C12orf60: variants seen among roughly 807,000 people sequenced by gnomAD.
C12orf60 encodes uncharacterized protein C12orf60.
For synonymous variants in C12orf60, 102 were observed against 94.6 expected (o/e 1.08, Z -0.45); for missense variants, 284 against 283.2 (o/e 1.00, Z -0.02).
At chr12:14,807,366 ACTAGTGC>A (rs1950069089) in intron 1 of C12orf60, among the ~76,000 whole-genome samples, 1 of 152,246 alleles carries the variant, frequency 6.6e-6, no homozygotes, top group South Asian at 2.1e-4. Context: ...GCTCTTGATT[ACTAGTGC>A]TCCTTAGTTT....
chr12:14,805,806 CATCAGCTG>C, intron 1 of C12orf60: 1 of 630,160 alleles, frequency 1.6e-6, no homozygotes, highest in South Asian at 2.1e-5. Context: ...CAGGGTCTAG[CATCAGCTG>C]ATCCAGGCAT....
chr12:14,804,351 C>G lies in C12orf60; in HGVS notation c.-25+600C>G, dbSNP rs1365226304. 3.3e-5 allele frequency among the ~76,000 whole-genome samples: 5 copies of G among 152,186 alleles called. No individual in the cohort carries two copies. The East Asian group carries it at 9.6e-4, about 29-fold the overall frequency. Reference sequence around the variant, plus strand: ...TAAGTTTAAACATTTAAAAAACTATCTTAGAGGATACGCTTGGTTATTTCT... The same window carrying G: ...TAAGTTTAAACATTTAAAAAACTATGTTAGAGGATACGCTTGGTTATTTCT... On this transcript the variant is annotated intron_variant, in intron 1 of 1. Coordinates refer to ENST00000330828, the MANE Select transcript of C12orf60 (RefSeq NM_175874.4).
intron 1 of C12orf60, among the ~76,000 whole-genome samples, chr12:14,815,614 G>T (rs571177121): frequency 6.6e-6 from 1 of 152,112 alleles, no homozygotes; most frequent in Non-Finnish European, 1.5e-5. Flanking sequence ...TTTAATTATG[G>T]TGTAATATTT....
At position 14,806,266 on chromosome 12, in the gene C12orf60, T is replaced by C. The variant is rs756930398; in HGVS notation, c.-25+2515T>C. On this transcript the variant is annotated intron_variant, in intron 1 of 1. Coordinates refer to ENST00000330828, the MANE Select transcript of C12orf60 (RefSeq NM_175874.4). The stretch of plus-strand genomic sequence containing the variant: ...TTGTTAATTATGCCAGTTGTGACAT[T>C]TGAGCCCACAAGTTTAACAGCGACT... The C allele has an allele frequency of 4.3e-6, 7 of 1,614,114 alleles. No individual in the cohort carries two copies. In the African/African-American group the frequency reaches 6.7e-5, roughly 15 times the overall value.
At chr12:14,808,457 T>C (rs1483873851) in intron 1 of C12orf60, among the ~76,000 whole-genome samples, 2 of 152,182 alleles carry the variant, frequency 1.3e-5, no homozygotes, top group Non-Finnish European at 2.9e-5. Flanking sequence ...GCACAGCCTC[T>C]TTTTGAGTAA....
chr12:14,818,027 C>T (rs1011743611), intron 1 of C12orf60, among the ~76,000 whole-genome samples: 6 of 152,294 alleles, frequency 3.9e-5, no homozygotes, highest in South Asian at 2.1e-4. Context: ...TCCATTCTGA[C>T]TGGCATGAGA....
chr12:14,807,655 G>A lies in C12orf60; in HGVS notation c.-25+3904G>A, dbSNP rs368580043. On this transcript the variant is annotated intron_variant, in intron 1 of 1. Transcript: ENST00000330828. ...TTTAACAAATTTTTTCTTGTGATAA[G>A]AGTATATATTCAAGACTCTTTGGAT... is the stretch of plus-strand genomic sequence containing the variant. Among the ~76,000 whole-genome samples the A allele has an allele frequency of 2.0e-4, 31 of 152,252 alleles. 1 individual carries two copies. Among genetic ancestry groups the A allele is most frequent in the African/African-American group, 7.2e-4 (30 of 41,538 alleles).
chr12:14,816,424 T>G (rs1422899014), intron 1 of C12orf60, among the ~76,000 whole-genome samples: 2 of 152,194 alleles, frequency 1.3e-5, no homozygotes, highest in Non-Finnish European at 2.9e-5. Flanking sequence ...TTCAACAATT[T>G]GCCAGCACTT....
At chr12:14,813,670 C>T (rs4764124) in intron 1 of C12orf60, among the ~76,000 whole-genome samples, 77,454 of 151,886 alleles carry the variant, frequency 0.51, 20,224 homozygotes, top group African/African-American at 0.61. Context: ...TATTTAGATA[C>T]AACATAATTT....
chr12:14,809,801 A>C (rs1205460813), intron 1 of C12orf60, among the ~76,000 whole-genome samples: 1 of 152,230 alleles, frequency 6.6e-6, no homozygotes, highest in Non-Finnish European at 1.5e-5. Flanking sequence ...ATGCAAAAAA[A>C]GTATTGTTAT....
intron 1 of C12orf60, among the ~76,000 whole-genome samples, chr12:14,816,749 T>C (rs1280447773): frequency 6.7e-6 from 1 of 149,728 alleles, no homozygotes; most frequent in African/African-American, 2.4e-5. Context: ...ATTTTCTCTT[T>C]TTTTTTTTTT....
chr12:14,817,187 G>T (rs777733646), intron 1 of C12orf60, among the ~76,000 whole-genome samples: 9 of 152,046 alleles, frequency 5.9e-5, no homozygotes, highest in Non-Finnish European at 1.2e-4. Context: ...CTGTTTTATG[G>T]TTTTATATTT....
At chr12:14,819,533 A>G (rs1472231703) in intron 1 of C12orf60, among the ~76,000 whole-genome samples, 2 of 152,102 alleles carry the variant, frequency 1.3e-5, no homozygotes, top group Non-Finnish European at 2.9e-5. Context: ...ATCACTTTCT[A>G]GGATTTCCAG....
chr12:14,819,051 T>A (rs914964861), intron 1 of C12orf60, among the ~76,000 whole-genome samples: 1 of 152,206 alleles, frequency 6.6e-6, no homozygotes, highest in Non-Finnish European at 1.5e-5. Context: ...GTGATTGCAT[T>A]AATTCTGTGG....
intron 1 of C12orf60, among the ~76,000 whole-genome samples, chr12:14,812,727 C>A (rs1395872526): frequency 6.6e-6 from 1 of 151,708 alleles, no homozygotes; most frequent in Non-Finnish European, 1.5e-5. Flanking sequence ...ATTTTTATAG[C>A]AGGATACTGG....
chr12:14,812,429 G>C (rs1189885499), intron 1 of C12orf60, among the ~76,000 whole-genome samples: 1 of 152,028 alleles, frequency 6.6e-6, no homozygotes, highest in Non-Finnish European at 1.5e-5. Flanking sequence ...GGGTGACAGA[G>C]GGAGACTCCG....
At chr12:14,804,801 GC>G (rs1346454583) in intron 1 of C12orf60, 2 of 152,172 alleles carry the variant, frequency 1.3e-5, no homozygotes. Flanking sequence ...CTTTCATGTA[GC>G]TAAAATTTTA....
chr12:14,817,708 A>G (rs191098870), intron 1 of C12orf60, among the ~76,000 whole-genome samples: 219 of 152,112 alleles, frequency 1.4e-3, no homozygotes, highest in Non-Finnish European at 2.3e-3. Flanking sequence ...TATGTAACAC[A>G]TTTTCTTTAT....
rs1950336164 is a variant in C12orf60 at position 14,823,375 on chromosome 12, C to G, written c.440C>G (p.Pro147Arg). 5 of 1,613,836 alleles carry G rather than the reference C, an allele frequency of 3.1e-6. No individual in the cohort carries two copies. Among genetic ancestry groups the G allele is most frequent in the Non-Finnish European group, 4.2e-6 (5 of 1,179,954 alleles). ...TCTCTTTCACACTTGATGAAATTCC[C>G]CATCATGAATCTTCAATTAAGTGAC... ...ESSLSHLMKF[P>R]IMNLQLSDFY... Residue 147 changes from proline to arginine, a missense_variant, in exon 2 of 2, where the codon CCC becomes CGC. By Grantham distance (103) the Pro-to-Arg change is moderately radical. Transcript: ENST00000330828.
Sources: gnomAD v4.1 joint callset for allele counts (sites outside exome capture counted in the v4.1 genomes callset) on GRCh38, gnomAD v4.1.1 for gene constraint, MANE v1.5 for transcripts, NCBI Gene and HGNC (gene_info 2026-07-23, HGNC 2026-07-21) for gene names.